The following METTL25 variants were observed in gnomAD, a reference collection of about 807,000 sequenced individuals.
The protein encoded by METTL25 is probable methyltransferase-like protein 25.
In METTL25, 64 loss-of-function variants were observed where a neutral mutation model predicts 71.6. The ratio of observed to expected loss-of-function variants is 0.89; its 90% confidence interval spans 0.73 to 1.10. METTL25 has a LOEUF of 1.10. Ranked by LOEUF, METTL25 falls within the 50% of genes least tolerant of loss-of-function variation. The pLI, the probability that METTL25 is intolerant of heterozygous loss-of-function variation, is 0.00. For missense variants in METTL25, 807 were observed against 707.0 expected (o/e 1.14, Z -1.60); for synonymous variants, 287 against 250.3 (o/e 1.15, Z -1.38).
Position 82,438,702 on chromosome 12 carries a change from T to G in METTL25, c.1405-16T>G, listed in dbSNP as rs1422936368. 3.4e-6 allele frequency: 5 copies of G among 1,455,284 alleles called. No individual in the cohort carries two copies. The highest frequency in any genetic ancestry group is 1.5e-5 in the African/African-American group (1 of 68,832). 90.1% of individuals were successfully genotyped at this position (1,455,284 alleles called of 1,614,324 possible). A position where few individuals can be genotyped will look rare whatever the true frequency, so the allele number is the denominator to read the frequency against. On this transcript the variant is annotated splice_polypyrimidine_tract_variant and intron_variant, in intron 7 of 11. Transcript: ENST00000248306. ...TTTTTGTTTCTTGTGCTTATATATG[T>G]CTACATTTTTTTCAGCTGCCTACTG...
intron 2 of METTL25, 89 bp from the exon 3 acceptor site, chr12:82,389,727 A>C: frequency 1.4e-6 from 1 of 739,266 alleles, no homozygotes; most frequent in South Asian, 1.6e-5. Context: ...TTATTTTCCT[A>C]CTTAATTTCA....
At chr12:82,470,545 TACAGGGCAGAAATGAAGAAG>T (rs142460662) in intron 9 of METTL25, among the ~76,000 whole-genome samples, 11,973 of 151,908 alleles carry the variant, frequency 0.079, 843 homozygotes, top group African/African-American at 0.19. Flanking sequence ...AACTAATTTT[TACAGGGCAGAAATGAAGAAG>T]ACAGGGCAGA....
In METTL25 at chr12:82,477,320, C is replaced by G; in HGVS notation, c.1687C>G (p.Leu563Val). The part of the protein sequence containing the change: ...VLAPCIETLI[L>V]LDRLCYLKEQ... ...GGCTCCCTGTATAGAGACTTTGATTCTTCTGGATCGACTTTGTTACCTGAA... is the reference window on the plus strand; with the variant it reads ...GGCTCCCTGTATAGAGACTTTGATTGTTCTGGATCGACTTTGTTACCTGAA... Residue 563 changes from leucine to valine, a missense_variant, in exon 11 of 12, where the codon CTT (leucine) becomes GTT (valine). Leu to Val is a conservative substitution (Grantham distance 32). Coordinates refer to ENST00000248306, the MANE Select transcript of METTL25 (RefSeq NM_032230.3). 1 of 1,570,606 alleles carries G rather than the reference C, an allele frequency of 6.4e-7. No homozygotes were observed. The highest frequency in any genetic ancestry group is 8.6e-7 in the Non-Finnish European group (1 of 1,158,694).
chr12:82,438,846 CTT>C (rs896458907), intron 8 of METTL25, 55 bp downstream of exon 8: 1 of 1,414,674 alleles, frequency 7.1e-7, no homozygotes, highest in Non-Finnish European at 9.4e-7. Flanking sequence ...AGTAAAGTGA[CTT>C]TTAGTCTTCA....
chr12:82,364,597 T>G (rs1592576897), intron 1 of METTL25, among the ~76,000 whole-genome samples: 1 of 152,200 alleles, frequency 6.6e-6, no homozygotes, highest in East Asian at 1.9e-4. Flanking sequence ...GGTTTTTTCT[T>G]TCCTTTTTTA....
chr12:82,420,238 A>G (rs369804847), intron 5 of METTL25, among the ~76,000 whole-genome samples: 66 of 152,302 alleles, frequency 4.3e-4, no homozygotes, highest in South Asian at 3.9e-3. Flanking sequence ...TTGATTATAC[A>G]AAATAAAATT....
intron 9 of METTL25, among the ~76,000 whole-genome samples, chr12:82,475,580 T>C (rs1892836824): frequency 6.6e-6 from 1 of 152,162 alleles, no homozygotes; most frequent in African/African-American, 2.4e-5. Flanking sequence ...ACAAGTCTTT[T>C]CAGATTTTTA....
intron 5 of METTL25, among the ~76,000 whole-genome samples, chr12:82,408,597 C>CGTGTGTGTGTGT (rs56872887): frequency 0.012 from 1,750 of 147,716 alleles, 44 homozygotes; most frequent in African/African-American, 0.038. Context: ...GATGTGACTC[C>CGTGTGTGTGTGT]GTGTGTGTGT....
At chr12:82,442,862 AT>A (rs1281425962) in intron 8 of METTL25, among the ~76,000 whole-genome samples, 2 of 152,198 alleles carry the variant, frequency 1.3e-5, no homozygotes, top group Non-Finnish European at 2.9e-5. Context: ...CATTAAAAAA[AT>A]CCCAATGAAA....
At chr12:82,468,895 C>T (rs1399918204) in intron 9 of METTL25, 1 of 152,116 alleles carries the variant, frequency 6.6e-6, no homozygotes, top group Non-Finnish European at 1.5e-5. Context: ...TCTCCAATGC[C>T]ATCACCCCTG....
At chr12:82,461,993 T>G (rs997444461) in intron 9 of METTL25, among the ~76,000 whole-genome samples, 1 of 152,224 alleles carries the variant, frequency 6.6e-6, no homozygotes, top group African/African-American at 2.4e-5. Flanking sequence ...GCCCACTAAG[T>G]AGGCCCTACT....
At chr12:82,362,589 T>G (rs1003300232) in intron 1 of METTL25, among the ~76,000 whole-genome samples, 2 of 152,190 alleles carry the variant, frequency 1.3e-5, no homozygotes, top group Non-Finnish European at 2.9e-5. Flanking sequence ...CAGGACATCC[T>G]CACATAAAAC....
chr12:82,470,322 A>G (rs1017162535), intron 9 of METTL25, among the ~76,000 whole-genome samples: 1 of 152,154 alleles, frequency 6.6e-6, no homozygotes, highest in African/African-American at 2.4e-5. Context: ...TAACAGGTGT[A>G]TTTGTTTTCT....
rs767656556 is a variant in METTL25 at position 82,456,713 on chromosome 12, A to G, written c.1479-14A>G. 1.1e-5 allele frequency: 16 copies of G among 1,499,280 alleles called. No individual in the cohort carries two copies. The highest frequency in any genetic ancestry group is 2.1e-5 in the Admixed American group (1 of 48,266). The allele number at this position is 1,499,280 out of a possible 1,614,324, so 92.9% of individuals were successfully genotyped here. A position where few individuals can be genotyped will look rare whatever the true frequency, so the allele number is the denominator to read the frequency against. On this transcript the variant is annotated splice_polypyrimidine_tract_variant and intron_variant, in intron 8 of 11. Transcript: ENST00000248306. ...ATTGGAAAAACTAAAAATTTATTCA[A>G]TTTTGTTTTACAGTGATCGGCATGT...
chr12:82,434,776 T>G, intron 7 of METTL25, 52 bp downstream of exon 7: 6 of 1,433,024 alleles, frequency 4.2e-6, no homozygotes, highest in Non-Finnish European at 5.9e-6. Flanking sequence ...TCAAGTACTC[T>G]TCATACTTGA....
Position 82,416,728 on chromosome 12 carries a change from C to T in METTL25, c.1279+13598C>T, listed in dbSNP as rs12317032. On this transcript the variant is annotated intron_variant, in intron 5 of 11. Transcript: ENST00000248306. ...GCTGAAGCATTCTGCCCACCTCGGC[C>T]TCCCAAAATGCTGGGATTACAGGTG... Among the ~76,000 whole-genome samples, 273 of 152,246 alleles carry T rather than the reference C, an allele frequency of 1.8e-3. 1 individual carries two copies. The highest frequency in any genetic ancestry group is 6.0e-3 in the African/African-American group (248 of 41,572).
chr12:82,466,181 G>C (rs1892219545), intron 9 of METTL25, among the ~76,000 whole-genome samples: 1 of 151,402 alleles, frequency 6.6e-6, no homozygotes, highest in Admixed American at 6.6e-5. Context: ...GTATCATTAG[G>C]TTCTTTATTT....
At chr12:82,407,934 G>A (rs1302523432) in intron 5 of METTL25, 1 of 984,844 alleles carries the variant, frequency 1.0e-6, no homozygotes, top group Non-Finnish European at 1.2e-6. Flanking sequence ...TATCTTTGCT[G>A]TAGTAAAACA....
At chr12:82,431,448 A>T (rs1403330583) in intron 6 of METTL25, among the ~76,000 whole-genome samples, 1 of 151,654 alleles carries the variant, frequency 6.6e-6, no homozygotes, top group Non-Finnish European at 1.5e-5. Flanking sequence ...TTTACAAAGA[A>T]ATGAGTTAAA....
Sources: allele counts gnomAD v4.1 joint callset (sites outside exome capture counted in the v4.1 genomes callset), GRCh38; gene constraint gnomAD v4.1.1; transcripts MANE v1.5; gene names NCBI Gene and HGNC (gene_info 2026-07-23, HGNC 2026-07-21).